The following LMLN variants were observed in gnomAD, a reference collection of about 807,000 sequenced individuals.
The protein encoded by LMLN is leishmanolysin-like peptidase.
In LMLN, 70 loss-of-function variants were observed where a neutral mutation model predicts 92.3. The ratio of observed to expected loss-of-function variants is 0.76; its 90% CI spans 0.63 to 0.92. The LOEUF (loss-of-function observed/expected upper bound fraction) is 0.92, where lower values mean the gene tolerates loss of function less well. Among genes scored for constraint, LMLN ranks in the 40% least tolerant of loss-of-function variants. The pLI, the probability that LMLN is intolerant of heterozygous loss-of-function variation, is 0.00. For missense variants in LMLN, 691 were observed against 814.6 expected (o/e 0.85, Z 1.85); for synonymous variants, 308 against 296.2 (o/e 1.04, Z -0.41).
intron 11 of LMLN, among the ~76,000 whole-genome samples, chr3:198,015,853 C>T (rs1365916581): frequency 2.0e-5 from 3 of 152,176 alleles, no homozygotes; most frequent in Non-Finnish European, 4.4e-5. Context: ...TCTAGTCCAT[C>T]TTCCAGGAAT....
At chr3:198,015,983 G>A (rs1446719231) in intron 11 of LMLN, among the ~76,000 whole-genome samples, 2 of 152,078 alleles carry the variant, frequency 1.3e-5, no homozygotes, top group Non-Finnish European at 2.9e-5. Context: ...AAGATGGCTT[G>A]AGCCCAGGAG....
At chr3:197,975,778 A>AT (rs1285014284) in intron 3 of LMLN, among the ~76,000 whole-genome samples, 3 of 152,292 alleles carry the variant, frequency 2.0e-5, no homozygotes, top group Non-Finnish European at 2.9e-5. Flanking sequence ...CTGGCTTTCT[A>AT]TTTAAATGGG....
intron 15 of LMLN, among the ~76,000 whole-genome samples, chr3:198,037,997 C>T (rs1239168087): frequency 6.6e-6 from 1 of 151,648 alleles, no homozygotes; most frequent in Non-Finnish European, 1.5e-5. Flanking sequence ...TGCCTATTGT[C>T]GTTATTGCTG....
At chr3:198,020,549 T>C (rs1246634447) in intron 12 of LMLN, among the ~76,000 whole-genome samples, 1 of 152,134 alleles carries the variant, frequency 6.6e-6, no homozygotes, top group African/African-American at 2.4e-5. Flanking sequence ...TTTAAAAATT[T>C]ATCTGGTGCA....
rs565724766 is a variant in LMLN at position 198,027,090 on chromosome 3, C to G, written c.1656+2302C>G. Among the ~76,000 whole-genome samples the G allele has an allele frequency of 6.4e-4, 98 of 152,184 alleles. 1 individual carries two copies. Among genetic ancestry groups the G allele is most frequent in the Non-Finnish European group, 1.2e-3 (85 of 68,010 alleles). The stretch of plus-strand genomic sequence containing the variant: ...TACCAAAGCATTTATTTTAGTTTTC[C>G]ACCTTTTCACATATGTACTTCCTTC... On this transcript the variant is annotated intron_variant, in intron 14 of 15. Transcript: ENST00000330198.
At chr3:198,026,382 G>A (rs1003591601) in intron 14 of LMLN, among the ~76,000 whole-genome samples, 5 of 151,908 alleles carry the variant, frequency 3.3e-5, no homozygotes, top group East Asian at 3.8e-4. Flanking sequence ...GCAGTGGTGC[G>A]ATCTCAGCTC....
At chr3:198,007,906 G>A (rs1374481786) in intron 11 of LMLN, among the ~76,000 whole-genome samples, 1 of 152,182 alleles carries the variant, frequency 6.6e-6, no homozygotes, top group African/African-American at 2.4e-5. Context: ...GAAAGTAGCT[G>A]TCTATTCCTG....
chr3:198,030,368 C>G (rs569157515), intron 14 of LMLN, among the ~76,000 whole-genome samples: 1 of 152,130 alleles, frequency 6.6e-6, no homozygotes, highest in Non-Finnish European at 1.5e-5. Flanking sequence ...GCAGACGTGG[C>G]GCCTGGTAGC....
chr3:197,965,554 T>C (rs772367933), intron 1 of LMLN, among the ~76,000 whole-genome samples: 33 of 152,156 alleles, frequency 2.2e-4, no homozygotes, highest in Non-Finnish European at 4.6e-4. Flanking sequence ...TCTGTAGTTA[T>C]TGAATATAGA....
chr3:198,001,606 G>A (rs981848262), intron 11 of LMLN, among the ~76,000 whole-genome samples: 6 of 152,162 alleles, frequency 3.9e-5, no homozygotes, highest in Admixed American at 3.3e-4. Context: ...AGCTAGTAAC[G>A]TAACTCACAT....
chr3:198,017,999 CACAGATGT>C (rs1432293647), intron 11 of LMLN, among the ~76,000 whole-genome samples: 1 of 152,204 alleles, frequency 6.6e-6, no homozygotes, highest in African/African-American at 2.4e-5. Context: ...TATTGGGCAG[CACAGATGT>C]ACACCTTTTC....
intron 3 of LMLN, among the ~76,000 whole-genome samples, chr3:197,975,813 A>G (rs570631395): frequency 1.6e-4 from 25 of 152,190 alleles, no homozygotes; most frequent in Non-Finnish European, 2.4e-4. Flanking sequence ...TTTCTGCCTA[A>G]TGCTGTTTTC....
At chr3:198,024,615 G>T in intron 13 of LMLN, 43 bp from the exon 15 acceptor site, 1 of 1,507,730 alleles carries the variant, frequency 6.6e-7, no homozygotes, top group Admixed American at 2.3e-5. Flanking sequence ...TGTTCTTTGA[G>T]CCAAAAGTCA....
intron 11 of LMLN, among the ~76,000 whole-genome samples, chr3:198,006,782 G>A (rs765568540): frequency 4.4e-4 from 67 of 151,644 alleles, no homozygotes; most frequent in Middle Eastern, 3.4e-3. Flanking sequence ...GCGCGATCTT[G>A]GCTCACTGTA....
Position 198,042,509 on chromosome 3 carries a change from G to A in LMLN, c.*3842G>A, listed in dbSNP as rs567232868. The A allele has an allele frequency of 6.6e-6, 1 of 152,318 alleles. No individual in the cohort carries two copies. Among genetic ancestry groups the A allele is most frequent in the South Asian group, 2.1e-4 (1 of 4,826 alleles). The allele number at this position is 152,318 out of a possible 1,614,324, so 9.4% of individuals were successfully genotyped here. A position where few individuals can be genotyped will look rare whatever the true frequency, so the allele number is the denominator to read the frequency against. On this transcript the variant is annotated 3_prime_UTR_variant, in exon 16 of 16. Transcript: ENST00000330198. The surrounding 1 kb of genome is among the most constrained non-coding windows in gnomAD (Gnocchi z 4.2). ...AATGGCCCACACGTTGATATCCTGT[G>A]GCAGGTTATACCCTTCATGTTAGCA...
chr3:198,040,199 G>A (rs1723361149), exon 16 of LMLN: 2 of 152,220 alleles, frequency 1.3e-5, no homozygotes, highest in African/African-American at 2.4e-5. Context: ...TAAGTTTGGT[G>A]TAGAGCCTAT....
intron 1 of LMLN, among the ~76,000 whole-genome samples, chr3:197,960,995 C>G (rs1053131262): frequency 2.6e-5 from 4 of 152,162 alleles, no homozygotes; most frequent in African/African-American, 9.7e-5. Context: ...CCCGGTTCCT[C>G]TGCTCTGGAA....
intron 9 of LMLN, chr3:197,994,697 A>G (rs1472701934): frequency 2.0e-5 from 3 of 152,242 alleles, no homozygotes; most frequent in African/African-American, 7.2e-5. Flanking sequence ...TTCATGAAGC[A>G]TTCCATATTT....
At chr3:197,968,467 G>A (rs1386319476) in intron 1 of LMLN, among the ~76,000 whole-genome samples, 1 of 150,852 alleles carries the variant, frequency 6.6e-6, no homozygotes, top group African/African-American at 2.4e-5. Context: ...AAAAAAAAAA[G>A]AAAAGAAATT....
Sources: gnomAD v4.1 joint callset for allele counts (sites outside exome capture counted in the v4.1 genomes callset) on GRCh38, gnomAD v4.1.1 for gene constraint, Gnocchi (gnomAD v3.1) non-coding constraint, MANE v1.5 for transcripts, NCBI Gene and HGNC (gene_info 2026-07-23, HGNC 2026-07-21) for gene names.